Variants in INVS observed in about 807,000 individuals in gnomAD.
The protein encoded by INVS is inversion of embryo turning homolog.
Under a neutral mutation model 108.8 loss-of-function variants are expected in INVS, and 86 were observed. That is an observed-to-expected ratio of 0.79 (90% CI 0.66 to 0.95). INVS has a LOEUF of 0.95. INVS is among the 40% of genes least tolerant of loss of function. The pLI is 0.00. For missense variants in INVS, 1,169 were observed against 1,297.4 expected, an observed-to-expected ratio of 0.90 and a Z score of 1.52; for synonymous variants, 455 against 473.5, an observed-to-expected ratio of 0.96 and a Z score of 0.51.
At chr9:100,284,195 A>T (rs1029686484) in intron 12 of INVS, 125 bp from the exon 13 acceptor site, 1 of 1,177,474 alleles carries the variant, frequency 8.5e-7, no homozygotes, top group Non-Finnish European at 1.2e-6. Flanking sequence ...CTGCTCTTGG[A>T]AAATGCAAAT....
intron 3 of INVS, among the ~76,000 whole-genome samples, chr9:100,167,876 A>T (rs1829417470): frequency 6.6e-6 from 1 of 152,206 alleles, no homozygotes; most frequent in Admixed American, 6.5e-5. Flanking sequence ...CAAAAAACAT[A>T]CTATGAGATT....
intron 3 of INVS, among the ~76,000 whole-genome samples, chr9:100,224,500 CAGA>C (rs1206450080): frequency 1.3e-5 from 2 of 152,068 alleles, no homozygotes; most frequent in Non-Finnish European, 2.9e-5. Context: ...GAAAAGAGCC[CAGA>C]AGAACAATTT....
At chr9:100,136,377 A>G (rs1012926634) in intron 3 of INVS, among the ~76,000 whole-genome samples, 5 of 152,178 alleles carry the variant, frequency 3.3e-5, no homozygotes, top group African/African-American at 9.7e-5. Context: ...GTAGACTTCA[A>G]ACTGTTTTAT....
At chr9:100,149,863 G>C (rs1165033388) in intron 3 of INVS, among the ~76,000 whole-genome samples, 1 of 152,096 alleles carries the variant, frequency 6.6e-6, no homozygotes, top group Non-Finnish European at 1.5e-5. Context: ...TGTGTTTTCT[G>C]TATACATAAA....
intron 3 of INVS, among the ~76,000 whole-genome samples, chr9:100,194,193 G>T (rs966406787): frequency 6.6e-6 from 1 of 152,194 alleles, no homozygotes; most frequent in Non-Finnish European, 1.5e-5. Flanking sequence ...GATAGTGAAT[G>T]AAAGTTCTAT....
At position 100,296,993 on chromosome 9, in the gene INVS, C is replaced by G. The variant is rs754625790; in HGVS notation, c.2863C>G (p.Gln955Glu). ...LGAGDVDRWRQESTALLLQVW... is the reference protein window; with the variant it reads ...LGAGDVDRWREESTALLLQVW... ...AGCTGGAGATGTGGACAGATGGAGGCAAGAGTCTACAGCATTGCTCCTCCA... is the reference window on the plus strand; with the variant it reads ...AGCTGGAGATGTGGACAGATGGAGGGAAGAGTCTACAGCATTGCTCCTCCA... Residue 955 changes from glutamine (Q) to glutamate (E), a missense_variant, in exon 15 of 17, where the codon CAA (glutamine) becomes GAA (glutamate). This residue lies in a region of INVS where 533 missense variants were observed against 536.0 expected (regional missense o/e 0.99). Coordinates refer to ENST00000262457, the MANE Select transcript of INVS (RefSeq NM_014425.5). 6.2e-7 allele frequency: 1 copy of G among 1,614,046 alleles called. No individual in the cohort carries two copies. The highest frequency in any genetic ancestry group is 8.5e-7 in the Non-Finnish European group (1 of 1,179,986).
intron 3 of INVS, among the ~76,000 whole-genome samples, chr9:100,152,161 T>C (rs1027196063): frequency 6.6e-6 from 1 of 152,214 alleles, no homozygotes; most frequent in African/African-American, 2.4e-5. Flanking sequence ...ATATATTTAT[T>C]TGTTTACATG....
At chr9:100,220,325 T>C (rs1226856519) in intron 3 of INVS, among the ~76,000 whole-genome samples, 1 of 152,110 alleles carries the variant, frequency 6.6e-6, no homozygotes, top group African/African-American at 2.4e-5. Flanking sequence ...ATGTGACAGA[T>C]GAAAGAAGCT....
chr9:100,209,243 CAGTT>C (rs1236519028), intron 3 of INVS, among the ~76,000 whole-genome samples: 3 of 152,142 alleles, frequency 2.0e-5, no homozygotes, highest in Non-Finnish European at 4.4e-5. Flanking sequence ...ATTGTTGAGT[CAGTT>C]AGAATAAAAA....
intron 2 of INVS, among the ~76,000 whole-genome samples, chr9:100,123,583 A>G (rs968410755): frequency 6.6e-5 from 10 of 152,164 alleles, no homozygotes; most frequent in Admixed American, 4.6e-4. Flanking sequence ...TTTGTGTACC[A>G]GTTTTTGTGT....
chr9:100,269,087 A>G (rs1031084096), intron 11 of INVS, among the ~76,000 whole-genome samples: 1 of 152,268 alleles, frequency 6.6e-6, no homozygotes, highest in African/African-American at 2.4e-5. Flanking sequence ...TTTATTCTAT[A>G]GGAAACATAC....
Position 100,300,873 on chromosome 9 carries a change from A to ACACAGCCTGCACTGAAAGGACCTG in INVS, c.*202_*225dup. Reference sequence around the variant, plus strand: ...TTACACAGCATTGTTTTGTCAATCAACACAGCCTGCACTGAAAGGACCTGC... The same window carrying ACACAGCCTGCACTGAAAGGACCTG: ...TTACACAGCATTGTTTTGTCAATCAACACAGCCTGCACTGAAAGGACCTGCACAGCCTGCACTGAAAGGACCTGC... On this transcript the variant is annotated 3_prime_UTR_variant, in exon 17 of 17. Coordinates refer to ENST00000262457, the MANE Select transcript of INVS (RefSeq NM_014425.5). 1 of 616,494 alleles carries ACACAGCCTGCACTGAAAGGACCTG rather than the reference A, an allele frequency of 1.6e-6. No individual in the cohort carries two copies. 38.2% of individuals were successfully genotyped at this position (616,494 alleles called of 1,614,324 possible).
rs866638866 is a variant in INVS at position 100,100,634 on chromosome 9, T to C, written c.-25+1218T>C. ...ATATAATATATGTATATATAATATA[T>C]ATATTATATATGTATATATAATATA... On this transcript the variant is annotated intron_variant, in intron 1 of 16. Transcript: ENST00000262457. Among the ~76,000 whole-genome samples, 176 of 70,842 alleles carry C rather than the reference T, an allele frequency of 2.5e-3. 7 individuals carry two copies. The highest frequency in any genetic ancestry group is 0.013 in the African/African-American group (162 of 12,826). The allele number at this position is 70,842 out of a possible 152,430, so 46.5% of individuals were successfully genotyped here. A position where few individuals can be genotyped will look rare whatever the true frequency, so the allele number is the denominator to read the frequency against.
chr9:100,144,181 T>C (rs1828528475), intron 3 of INVS, among the ~76,000 whole-genome samples: 1 of 152,156 alleles, frequency 6.6e-6, no homozygotes, highest in Admixed American at 6.5e-5. Context: ...GAGGAGGTTC[T>C]GGAGGAACTC....
At chr9:100,146,336 C>T (rs375280776) in intron 3 of INVS, among the ~76,000 whole-genome samples, 71 of 152,084 alleles carry the variant, frequency 4.7e-4, no homozygotes, top group African/African-American at 1.5e-3. Context: ...AGTAGGGGAG[C>T]TTTTGAGCCA....
chr9:100,279,443 T>C (rs1470689056), intron 12 of INVS, among the ~76,000 whole-genome samples: 1 of 152,198 alleles, frequency 6.6e-6, no homozygotes, highest in Non-Finnish European at 1.5e-5. Context: ...ATCTGTATCA[T>C]TCAATTATGC....
intron 3 of INVS, chr9:100,130,553 G>A (rs951460085): frequency 1.3e-5 from 2 of 152,108 alleles, no homozygotes; most frequent in African/African-American, 4.8e-5. Context: ...AATTACGTAT[G>A]TTAGCTTATA....
intron 3 of INVS, among the ~76,000 whole-genome samples, chr9:100,211,918 A>G (rs1230668373): frequency 6.6e-6 from 1 of 152,230 alleles, no homozygotes; most frequent in Non-Finnish European, 1.5e-5. Context: ...ATGGCAGGTT[A>G]GTGATGTGGT....
chr9:100,245,561 T>G (rs1005117031), intron 7 of INVS, among the ~76,000 whole-genome samples: 2 of 152,166 alleles, frequency 1.3e-5, no homozygotes, highest in African/African-American at 4.8e-5. Flanking sequence ...ATTACAGGCG[T>G]GAGCCACTGC....
Sources: allele counts gnomAD v4.1 joint callset (sites outside exome capture counted in the v4.1 genomes callset), GRCh38; gene constraint gnomAD v4.1.1; regional missense constraint gnomAD v4.1.1; transcripts MANE v1.5; gene names NCBI Gene and HGNC (gene_info 2026-07-23, HGNC 2026-07-21).